STRN: variants seen among roughly 807,000 people sequenced by gnomAD.
The protein encoded by STRN is protein phosphatase 2 regulatory subunit B'''alpha.
Under a neutral mutation model 96.3 loss-of-function variants are expected in STRN, and 53 were observed. That is an observed-to-expected ratio of 0.55 (90% CI 0.44 to 0.69). The LOEUF (loss-of-function observed/expected upper bound fraction) is 0.69. Ranked by LOEUF, STRN falls within the 30% of genes least tolerant of loss-of-function variation. The pLI, the probability that STRN is intolerant of heterozygous loss-of-function variation, is 0.00. For synonymous variants in STRN, 428 were observed against 355.9 expected (o/e 1.20, Z -2.28); for missense variants, 987 against 963.9 (o/e 1.02, Z -0.32).
intron 1 of STRN, among the ~76,000 whole-genome samples, chr2:36,948,878 G>C (rs1263920273): frequency 1.3e-5 from 2 of 152,188 alleles, no homozygotes; most frequent in Non-Finnish European, 2.9e-5. Context: ...GGTGGTCGAA[G>C]GACATTCCAG....
At chr2:36,878,126 C>A in intron 9 of STRN, 99 bp from the exon 10 acceptor site, 2 of 1,297,148 alleles carry the variant, frequency 1.5e-6, no homozygotes, top group Non-Finnish European at 2.1e-6. Flanking sequence ...CACGTATATA[C>A]TTAATTGTTT....
In STRN at chr2:36,886,075, G is replaced by C. The variant is rs943904356; in HGVS notation, c.1042+641C>G. ...TAAACATATATGATTCACAGGGCTA[G>C]AAATTTCCTTTTGGATTTTGTTTTT... On this transcript the variant is annotated intron_variant, in intron 8 of 17. Coordinates refer to ENST00000263918, the MANE Select transcript of STRN (RefSeq NM_003162.4). Among the ~76,000 whole-genome samples, 13 of 152,056 alleles carry C rather than the reference G, an allele frequency of 8.5e-5. 1 individual carries two copies. Among genetic ancestry groups the C allele is most frequent in the Admixed American group, 7.9e-4 (12 of 15,268 alleles).
At chr2:36,870,543 C>T (rs1488665859) in intron 10 of STRN, among the ~76,000 whole-genome samples, 2 of 152,082 alleles carry the variant, frequency 1.3e-5, no homozygotes, top group South Asian at 2.1e-4. Flanking sequence ...CTGAAAAATT[C>T]CTATAGTAAC....
rs1284297273 is a variant in STRN, at chr2:36,847,913, A to C, written c.*1543T>G. 1 of 152,240 alleles carries C rather than the reference A, an allele frequency of 6.6e-6. No homozygotes were observed. Among genetic ancestry groups the C allele is most frequent in the Non-Finnish European group, 1.5e-5 (1 of 68,042 alleles). The allele number at this position is 152,240 out of a possible 1,614,324, so 9.4% of individuals were successfully genotyped here. On this transcript the variant is annotated 3_prime_UTR_variant, in exon 18 of 18. Transcript: ENST00000263918. ...TATCTATAGATTTAATATTTTTAAAATCTAAGAGCCTATTTATATGTTTTT... is the reference window on the plus strand; with the variant it reads ...TATCTATAGATTTAATATTTTTAAACTCTAAGAGCCTATTTATATGTTTTT...
At chr2:36,930,903 G>A (rs1670556976) in intron 1 of STRN, among the ~76,000 whole-genome samples, 1 of 151,980 alleles carries the variant, frequency 6.6e-6, no homozygotes. Context: ...AGGTGTGGTG[G>A]CAAGCGCCTG....
intron 1 of STRN, among the ~76,000 whole-genome samples, chr2:36,963,914 G>A (rs978837181): frequency 6.6e-6 from 1 of 151,872 alleles, no homozygotes; most frequent in African/African-American, 2.4e-5. Flanking sequence ...GCTTAAACCT[G>A]GGAGGCGGAG....
chr2:36,914,456 A>T (rs1447819273), intron 3 of STRN, among the ~76,000 whole-genome samples: 6 of 152,224 alleles, frequency 3.9e-5, no homozygotes, highest in Non-Finnish European at 7.3e-5. Context: ...TAGATTTTTT[A>T]AAAATTTATT....
chr2:36,965,155 A>T (rs1259162777), intron 1 of STRN, among the ~76,000 whole-genome samples: 1 of 152,222 alleles, frequency 6.6e-6, no homozygotes, highest in Non-Finnish European at 1.5e-5. Context: ...AAAAAAAGTG[A>T]CACACTGGGT....
rs899878851 is a variant in STRN, at chr2:36,869,649, G to A, written c.1404C>T (p.Ala468=). ...CAGGCTCAATGGGATGGAAAGCAAG[G>A]GCTCGGATGCCATCAAAGTGACTTC... ...TLRSHFDGIR[A]LAFHPIEPVL... Residue 468 remains alanine, a synonymous_variant, in exon 11 of 18, where the codon GCC becomes GCT. Coordinates refer to ENST00000263918, the MANE Select transcript of STRN (RefSeq NM_003162.4). 8.1e-6 allele frequency: 13 copies of A among 1,612,310 alleles called. No individual in the cohort carries two copies. Among genetic ancestry groups the A allele is most frequent in the East Asian group, 2.2e-5 (1 of 44,756 alleles).
chr2:36,899,468 C>A, intron 6 of STRN, 55 bp downstream of exon 6: 1 of 1,494,930 alleles, frequency 6.7e-7, no homozygotes, highest in African/African-American at 1.4e-5. Flanking sequence ...ATGCATTATA[C>A]AGTATGTATT....
At chr2:36,854,564 C>T (rs1668297998) in intron 15 of STRN, among the ~76,000 whole-genome samples, 1 of 152,172 alleles carries the variant, frequency 6.6e-6, no homozygotes, top group African/African-American at 2.4e-5. Context: ...CATGCATGTG[C>T]ACACACACAA....
intron 1 of STRN, among the ~76,000 whole-genome samples, chr2:36,953,521 G>A (rs1246282780): frequency 6.6e-6 from 1 of 150,486 alleles, no homozygotes; most frequent in African/African-American, 2.5e-5. Context: ...TCCTGCCTCA[G>A]CCTCCCAAGT....
intron 4 of STRN, among the ~76,000 whole-genome samples, chr2:36,904,970 T>A (rs1307039320): frequency 2.9e-5 from 1 of 34,128 alleles, no homozygotes; most frequent in Non-Finnish European, 5.0e-5. Context: ...CCAATTGCAC[T>A]TTTTTTTTTT....
Position 36,869,551 on chromosome 2 carries a change from C to T in STRN, c.1499+3G>A. On this transcript the variant is annotated splice_donor_region_variant and intron_variant, in intron 11 of 17. Transcript: ENST00000263918. ...AAATAATGTTAAAGTAGAATATTCT[C>T]ACTTTTTGGCTGGGGCTGTTTTCTG... 1 of 1,523,176 alleles carries T rather than the reference C, an allele frequency of 6.6e-7. No individual in the cohort carries two copies. The highest frequency in any genetic ancestry group is 2.4e-5 in the East Asian group (1 of 41,204). 94.4% of individuals were successfully genotyped at this position (1,523,176 alleles called of 1,614,324 possible). A position where few individuals can be genotyped will look rare whatever the true frequency, so the allele number is the denominator to read the frequency against.
chr2:36,942,962 C>T (rs1204968341), intron 1 of STRN, among the ~76,000 whole-genome samples: 1 of 152,122 alleles, frequency 6.6e-6, no homozygotes, highest in Non-Finnish European at 1.5e-5. Context: ...TCCCAAAGTG[C>T]TGGGATTACA....
Position 36,849,584 on chromosome 2 carries a change from T to A in STRN, c.2215A>T (p.Thr739Ser). 6.2e-7 allele frequency: 1 copy of A among 1,614,154 alleles called. No individual in the cohort carries two copies. ...SIRLWNLESK[T>S]CIQEFTAHRK... ...TGAGCTGTGAATTCTTGGATACACG[T>A]CTTACTTTCTAGATTCCATAAACGT... The change falls in exon 18 of 18, where the codon ACG becomes TCG. Residue 739 changes from threonine to serine, a missense_variant. Coordinates refer to ENST00000263918, the MANE Select transcript of STRN (RefSeq NM_003162.4).
chr2:36,905,371 C>T (rs971273345), intron 4 of STRN, among the ~76,000 whole-genome samples, 169 bp downstream of exon 4: 2 of 152,188 alleles, frequency 1.3e-5, no homozygotes, highest in South Asian at 2.1e-4. Context: ...AGTTCTACCA[C>T]ACAGAAAAAG....
intron 9 of STRN, among the ~76,000 whole-genome samples, chr2:36,880,016 G>T (rs1293778477): frequency 6.6e-6 from 1 of 152,110 alleles, no homozygotes; most frequent in Admixed American, 6.5e-5. Flanking sequence ...ACCCAGGCTG[G>T]AGTGCAGTGG....
chr2:36,841,969 C>A lies in STRN; in HGVS notation c.*7487G>T, dbSNP rs944648768. 18 of 152,176 alleles carry A rather than the reference C, an allele frequency of 1.2e-4. No homozygotes were observed. Among genetic ancestry groups the A allele is most frequent in the Non-Finnish European group, 2.5e-4 (17 of 68,044 alleles). The allele number at this position is 152,176 out of a possible 1,614,324, so 9.4% of individuals were successfully genotyped here. ...CTTTTTGGTAAGGTACTTCTTTCCCCACACTCTCACCCAAGTTATCCAGCC... is the reference window on the plus strand; with the variant it reads ...CTTTTTGGTAAGGTACTTCTTTCCCAACACTCTCACCCAAGTTATCCAGCC... On this transcript the variant is annotated 3_prime_UTR_variant, in exon 18 of 18. Transcript: ENST00000263918.
Sources: allele counts gnomAD v4.1 joint callset (sites outside exome capture counted in the v4.1 genomes callset), GRCh38; gene constraint gnomAD v4.1.1; transcripts MANE v1.5; gene names NCBI Gene and HGNC (gene_info 2026-07-23, HGNC 2026-07-21).